Variants in SPATA6 observed in about 807,000 individuals in gnomAD.
SPATA6 encodes spermatogenesis associated 6.
In SPATA6, 56 loss-of-function variants were observed where a neutral mutation model predicts 65.3. That is an observed-to-expected ratio of 0.86 (90% CI 0.69 to 1.07). The LOEUF (loss-of-function observed/expected upper bound fraction) is 1.07, where lower values mean the gene tolerates loss of function less well. SPATA6 is among the 50% of genes least tolerant of loss of function. The pLI is 0.00. For synonymous variants in SPATA6, 199 were observed against 213.2 expected, an observed-to-expected ratio of 0.93 and a Z score of 0.58; for missense variants, 590 against 594.8, an observed-to-expected ratio of 0.99 and a Z score of 0.08.
chr1:48,283,076 C>A, the SPATA6 span, among the ~76,000 whole-genome samples: 1 of 150,750 alleles, frequency 6.6e-6, no homozygotes, highest in Non-Finnish European at 1.5e-5. Context: ...AGTAAACTAT[C>A]GCAAGAACAA....
intron 3 of SPATA6, chr1:48,436,241 A>T: frequency 6.2e-7 from 1 of 1,613,670 alleles, no homozygotes. Flanking sequence ...AAAATTACAA[A>T]TCTGGAAAAC....
intron 1 of SPATA6, among the ~76,000 whole-genome samples, chr1:48,459,229 C>G (rs1023999633): frequency 7.9e-6 from 1 of 126,772 alleles, no homozygotes; most frequent in African/African-American, 3.1e-5. Context: ...AAAAAAAGAA[C>G]GTTTCATGGG....
Position 48,305,793 on chromosome 1 carries a change from T to C in SPATA6, c.1280A>G (p.Glu427Gly), listed in dbSNP as rs1340411590. 5.6e-6 allele frequency: 9 copies of C among 1,609,044 alleles called. No homozygotes were observed. Among genetic ancestry groups the C allele is most frequent in the Non-Finnish European group, 7.6e-6 (9 of 1,176,790 alleles). ...ACATATATTTCATTCATACCTATAC[T>C]CGGGGTCACTGTCATAGGCAGAGTC... ...CRDSAYDSDP[E>G]YSSCQQPRGT... Residue 427 changes from glutamate to glycine, a missense_variant, in exon 12 of 13, where the codon GAG becomes GGG. By Grantham distance (98) the Glu-to-Gly change is moderately conservative. Coordinates refer to ENST00000371847, the MANE Select transcript of SPATA6 (RefSeq NM_019073.4).
chr1:48,471,924 A>T lies in SPATA6; in HGVS notation c.51+34T>A, dbSNP rs778957134. 57 of 1,607,230 alleles carry T rather than the reference A, an allele frequency of 3.5e-5. 1 individual carries two copies. The highest frequency in any genetic ancestry group is 1.7e-4 in the Middle Eastern group (1 of 6,040). ...GGTGACTGAGGGAGTCCCTGAGCCA[A>T]TGCCCGGGGGTGGGAGGCGCTACCG... On this transcript the variant is annotated intron_variant, in intron 1 of 12. Coordinates refer to ENST00000371847, the MANE Select transcript of SPATA6 (RefSeq NM_019073.4).
chr1:48,428,145 C>CTTT (rs1383826086), intron 3 of SPATA6, among the ~76,000 whole-genome samples: 2 of 152,100 alleles, frequency 1.3e-5, no homozygotes, highest in African/African-American at 4.8e-5. Context: ...TACCACTGAC[C>CTTT]CAAAGCCTTA....
In SPATA6 at chr1:48,298,599, T is replaced by C; in HGVS notation, c.*114A>G. The C allele has an allele frequency of 1.1e-6, 1 of 931,080 alleles. No individual in the cohort carries two copies. Among genetic ancestry groups the C allele is most frequent in the Non-Finnish European group, 1.6e-6 (1 of 624,712 alleles). 57.7% of individuals were successfully genotyped at this position (931,080 alleles called of 1,614,324 possible). On this transcript the variant is annotated 3_prime_UTR_variant, in exon 13 of 13. Coordinates refer to ENST00000371847, the MANE Select transcript of SPATA6 (RefSeq NM_019073.4). ...AATGAACTTATTCAAGTATAACTAT[T>C]GTACTTAGTTATAATCCCATTTTTT...
At chr1:48,338,024 G>T (rs1195354405) in intron 11 of SPATA6, among the ~76,000 whole-genome samples, 3 of 151,838 alleles carry the variant, frequency 2.0e-5, no homozygotes, top group Non-Finnish European at 4.4e-5. Flanking sequence ...TTTGAAGCAA[G>T]AACAAACGTG....
chr1:48,271,239 G>A, the SPATA6 span, among the ~76,000 whole-genome samples: 2 of 152,084 alleles, frequency 1.3e-5, no homozygotes, highest in African/African-American at 2.4e-5. Flanking sequence ...GCTGGTCTTA[G>A]TCACCTGAGC....
the SPATA6 span, among the ~76,000 whole-genome samples, chr1:48,263,417 A>G: frequency 6.6e-6 from 1 of 152,174 alleles, no homozygotes; most frequent in Non-Finnish European, 1.5e-5. Context: ...CATTTCATTT[A>G]GAAGCCATAT....
chr1:48,313,546 A>G (rs578172332), intron 11 of SPATA6, among the ~76,000 whole-genome samples: 68 of 152,342 alleles, frequency 4.5e-4, no homozygotes, highest in African/African-American at 1.4e-3. Flanking sequence ...TGAAGGAAGC[A>G]CTAAACATCG....
chr1:48,407,962 G>C (rs1651861485), intron 5 of SPATA6, among the ~76,000 whole-genome samples: 1 of 152,088 alleles, frequency 6.6e-6, no homozygotes, highest in Admixed American at 6.5e-5. Flanking sequence ...ATTTTAAAAT[G>C]TGATTATTTG....
At chr1:48,311,515 G>A (rs1160854117) in intron 11 of SPATA6, among the ~76,000 whole-genome samples, 1 of 152,030 alleles carries the variant, frequency 6.6e-6, no homozygotes, top group Non-Finnish European at 1.5e-5. Context: ...GAAGAAACAG[G>A]AAATCTGAAT....
rs543294032 is a variant in SPATA6, at chr1:48,338,768, T to C, written c.1194+16902A>G. On this transcript the variant is annotated intron_variant, in intron 11 of 12. Transcript: ENST00000371847. ...AAGCTGTGCCAGGTTGGGGGTAAAA[T>C]AAGCTAATCCAAAATCTCTGAAAAG... Among the ~76,000 whole-genome samples, 3 of 152,136 alleles carry C rather than the reference T, an allele frequency of 2.0e-5. No homozygotes were observed. In the South Asian group the frequency reaches 6.2e-4, roughly 32 times the overall value.
At chr1:48,420,852 G>C (rs1237864740) in intron 3 of SPATA6, among the ~76,000 whole-genome samples, 1 of 152,074 alleles carries the variant, frequency 6.6e-6, no homozygotes, top group Non-Finnish European at 1.5e-5. Flanking sequence ...ATACTATTGA[G>C]CCATGAAAAA....
intron 9 of SPATA6, among the ~76,000 whole-genome samples, chr1:48,376,143 C>A (rs2153017): frequency 0.077 from 11,691 of 152,198 alleles, 607 homozygotes; most frequent in East Asian, 0.23. Context: ...CACCCTCAGG[C>A]CTCTATCCTT....
chr1:48,433,673 A>G (rs1211203449), intron 3 of SPATA6, among the ~76,000 whole-genome samples: 2 of 152,102 alleles, frequency 1.3e-5, no homozygotes, highest in Non-Finnish European at 2.9e-5. Context: ...CTGAATACCT[A>G]TTTACCTCCC....
chr1:48,388,711 A>ATT, intron 8 of SPATA6, among the ~76,000 whole-genome samples: 2 of 142,624 alleles, frequency 1.4e-5, no homozygotes, highest in South Asian at 2.2e-4. Context: ...AATACATTTG[A>ATT]TTTTTTTTTT....
the SPATA6 span, among the ~76,000 whole-genome samples, chr1:48,278,969 T>A: frequency 1.3e-5 from 2 of 152,178 alleles, no homozygotes; most frequent in Middle Eastern, 6.3e-3. Context: ...CCCATCAAAC[T>A]AACAGCGGAT....
rs1328326623 is a variant in SPATA6, at chr1:48,472,181, C to G, written c.-173G>C. 9.3e-6 allele frequency: 5 copies of G among 538,578 alleles called. No homozygotes were observed. Among genetic ancestry groups the G allele is most frequent in the Non-Finnish European group, 1.6e-5 (5 of 314,552 alleles). The allele number at this position is 538,578 out of a possible 1,614,324, so 33.4% of individuals were successfully genotyped here. A position where few individuals can be genotyped will look rare whatever the true frequency, so the allele number is the denominator to read the frequency against. On this transcript the variant is annotated 5_prime_UTR_variant, in exon 1 of 13. Coordinates refer to ENST00000371847, the MANE Select transcript of SPATA6 (RefSeq NM_019073.4). The stretch of plus-strand genomic sequence containing the variant: ...GGGTTCCGCCGGAGAAGCAGCTGAG[C>G]GCGGGGCGCAGACTCGTTGTCATGG...
Sources: gnomAD v4.1 joint callset for allele counts (sites outside exome capture counted in the v4.1 genomes callset) on GRCh38, gnomAD v4.1.1 for gene constraint, MANE v1.5 for transcripts, NCBI Gene and HGNC (gene_info 2026-07-23, HGNC 2026-07-21) for gene names.